Variants in STK3 observed in about 807,000 individuals in gnomAD.
The protein encoded by STK3 is serine/threonine-protein kinase 3.
A neutral mutation model predicts 58.0 loss-of-function variants in STK3; 41 were observed. That is an observed-to-expected ratio of 0.71 (90% confidence interval 0.55 to 0.92). The LOEUF (loss-of-function observed/expected upper bound fraction) is 0.92, where lower values mean the gene tolerates loss of function less well. STK3 is among the 40% of genes least tolerant of loss of function. STK3 has a pLI of 0.00. For missense variants in STK3, 479 were observed against 602.7 expected (o/e 0.79, Z 2.15); for synonymous variants, 170 against 191.0 (o/e 0.89, Z 0.91).
intron 6 of STK3, among the ~76,000 whole-genome samples, chr8:98,630,709 G>T (rs901084206): frequency 6.7e-6 from 1 of 149,476 alleles, no homozygotes; most frequent in African/African-American, 2.5e-5. Context: ...GGAGAAGGAG[G>T]AGAAGGAGGA....
intron 1 of STK3, among the ~76,000 whole-genome samples, chr8:98,919,148 C>T (rs1839454937): frequency 1.3e-5 from 2 of 152,176 alleles, no homozygotes; most frequent in Admixed American, 1.3e-4. Flanking sequence ...CAACAGGCCC[C>T]AGGGGATAAG....
At chr8:98,872,874 C>T (rs1191368557) in intron 3 of STK3, among the ~76,000 whole-genome samples, 1 of 152,164 alleles carries the variant, frequency 6.6e-6, no homozygotes, top group Non-Finnish European at 1.5e-5. Flanking sequence ...TTCTTGCCTT[C>T]TGCTAGCTTT....
chr8:98,673,837 A>G (rs1407092909), intron 6 of STK3, among the ~76,000 whole-genome samples: 2 of 152,252 alleles, frequency 1.3e-5, no homozygotes, highest in African/African-American at 2.4e-5. Context: ...ACTTAGAACA[A>G]TAGCAGTGAT....
chr8:98,481,945 A>C (rs769666035), intron 10 of STK3, among the ~76,000 whole-genome samples: 4 of 152,244 alleles, frequency 2.6e-5, no homozygotes, highest in Non-Finnish European at 5.9e-5. Flanking sequence ...TGTAACATGT[A>C]TTCAACTGAA....
In STK3 at chr8:98,577,688, T is replaced by C. The variant is rs181288173; in HGVS notation, c.948+1976A>G. Among the ~76,000 whole-genome samples, 1,401 of 152,242 alleles carry C rather than the reference T, an allele frequency of 9.2e-3. 18 individuals carry two copies. Among genetic ancestry groups the C allele is most frequent in the African/African-American group, 0.032 (1,324 of 41,540 alleles). ...AGCCTTCAGATGACTGCAGCTCTGA[T>C]GAACACTTAGATTGCAATCTCATAA... On this transcript the variant is annotated intron_variant, in intron 8 of 10. Coordinates refer to ENST00000419617, the MANE Select transcript of STK3 (RefSeq NM_006281.4).
chr8:98,482,872 A>G (rs1028640812), intron 10 of STK3, among the ~76,000 whole-genome samples: 5 of 152,298 alleles, frequency 3.3e-5, no homozygotes, highest in African/African-American at 9.6e-5. Flanking sequence ...TGTTGACATT[A>G]AATCTTTCAG....
chr8:98,939,515 C>A (rs1273221474), intron 1 of STK3, among the ~76,000 whole-genome samples: 2 of 152,178 alleles, frequency 1.3e-5, no homozygotes, highest in African/African-American at 4.8e-5. Context: ...CCCAGGGAAA[C>A]GAAATCTGCA....
chr8:98,689,248 C>G (rs941720210), intron 6 of STK3, among the ~76,000 whole-genome samples: 3 of 151,994 alleles, frequency 2.0e-5, no homozygotes, highest in Middle Eastern at 3.2e-3. Context: ...TAACAAGATT[C>G]AATCAGAAAT....
At chr8:98,812,131 C>A (rs918517221) in intron 1 of STK3, among the ~76,000 whole-genome samples, 1 of 152,020 alleles carries the variant, frequency 6.6e-6, no homozygotes, top group Admixed American at 6.6e-5. Context: ...CAATCCTGCT[C>A]CCTTTTGCCT....
intron 2 of STK3, among the ~76,000 whole-genome samples, chr8:98,376,770 C>G (rs1328675913): frequency 1.3e-5 from 2 of 152,186 alleles, no homozygotes; most frequent in Non-Finnish European, 2.9e-5. Context: ...AAATATCCAA[C>G]ATCCAATTGC....
intron 3 of STK3, among the ~76,000 whole-genome samples, chr8:98,864,689 A>C (rs1837066657): frequency 6.6e-6 from 1 of 152,224 alleles, no homozygotes; most frequent in South Asian, 2.1e-4. Context: ...TTAAGAGTTT[A>C]GGTAAAATAC....
At chr8:98,466,435 C>T (rs1820467791) in intron 10 of STK3, among the ~76,000 whole-genome samples, 2 of 152,260 alleles carry the variant, frequency 1.3e-5, no homozygotes, top group South Asian at 4.1e-4. Context: ...GTCACTTTTA[C>T]TTATTAAAAG....
At chr8:98,586,582 G>A (rs890534485) in intron 7 of STK3, among the ~76,000 whole-genome samples, 10 of 150,018 alleles carry the variant, frequency 6.7e-5, no homozygotes, top group Non-Finnish European at 1.5e-4. Context: ...TCTCTGCCCG[G>A]CTTTGGTATC....
At chr8:98,790,503 C>T (rs915955184) in intron 1 of STK3, among the ~76,000 whole-genome samples, 4 of 152,182 alleles carry the variant, frequency 2.6e-5, no homozygotes, top group African/African-American at 9.7e-5. Context: ...AATCAGCATA[C>T]AAGGGACATA....
intron 10 of STK3, among the ~76,000 whole-genome samples, chr8:98,465,256 G>A (rs1820378226): frequency 6.6e-6 from 1 of 152,126 alleles, no homozygotes; most frequent in Non-Finnish European, 1.5e-5. Flanking sequence ...AGCTAGAGGT[G>A]CTTATGTAGG....
intron 8 of STK3, among the ~76,000 whole-genome samples, chr8:98,555,375 G>C (rs941492652): frequency 6.6e-6 from 1 of 151,950 alleles, no homozygotes; most frequent in African/African-American, 2.4e-5. Context: ...ATATAAAATT[G>C]TTTCTATATT....
chr8:98,899,596 G>A lies in STK3; in HGVS notation c.-78-15762C>T, dbSNP rs112092388. Reference sequence around the variant, plus strand: ...TTAAATGCAAATATGACACCATTTTGTATCAGGGACTTGAGCATCCTTGCA... The same window carrying A: ...TTAAATGCAAATATGACACCATTTTATATCAGGGACTTGAGCATCCTTGCA... On this transcript the variant is annotated intron_variant, in intron 1 of 1. Transcript: ENST00000519420. 8.8e-3 allele frequency among the ~76,000 whole-genome samples: 1,346 copies of A among 152,264 alleles called. 15 individuals carry two copies. Among genetic ancestry groups the A allele is most frequent in the African/African-American group, 0.03 (1,263 of 41,542 alleles).
At chr8:98,467,394 A>T (rs777865174) in intron 10 of STK3, among the ~76,000 whole-genome samples, 20 of 152,062 alleles carry the variant, frequency 1.3e-4, no homozygotes, top group Non-Finnish European at 2.6e-4. Flanking sequence ...TAATCGCTGG[A>T]GGGAGGCGGC....
intron 3 of STK3, among the ~76,000 whole-genome samples, chr8:98,414,304 C>T (rs114921873): frequency 2.5e-3 from 386 of 152,104 alleles, no homozygotes; most frequent in African/African-American, 8.7e-3. Context: ...ATAGTAATTT[C>T]GACACCAGAA....
Sources: gnomAD v4.1 joint callset for allele counts (sites outside exome capture counted in the v4.1 genomes callset) on GRCh38, gnomAD v4.1.1 for gene constraint, MANE v1.5 for transcripts, NCBI Gene and HGNC (gene_info 2026-07-23, HGNC 2026-07-21) for gene names.